Variants in GAS7 observed in about 807,000 individuals in gnomAD.
The protein encoded by GAS7 is growth arrest-specific protein 7.
GAS7 carries 28 observed loss-of-function variants against 71.1 expected under a neutral mutation model. The ratio of observed to expected loss-of-function variants is 0.39; its 90% CI spans 0.29 to 0.54. The LOEUF is 0.54. Among genes scored for constraint, GAS7 ranks in the 20% least tolerant of loss-of-function variants. GAS7 has a pLI of 0.62. For missense variants in GAS7, 436 were observed against 627.8 expected, an observed-to-expected ratio of 0.69 and a Z score of 3.27; for synonymous variants, 258 against 245.8, an observed-to-expected ratio of 1.05 and a Z score of -0.46.
At chr17:9,985,763 G>T (rs532141276) in intron 2 of GAS7, among the ~76,000 whole-genome samples, 50 of 152,278 alleles carry the variant, frequency 3.3e-4, no homozygotes, top group African/African-American at 1.2e-3. Flanking sequence ...GGGATCAACG[G>T]CCCACCAATC....
At chr17:10,064,293 G>A (rs963517091) in intron 1 of GAS7, among the ~76,000 whole-genome samples, 1 of 152,180 alleles carries the variant, frequency 6.6e-6, no homozygotes, top group Non-Finnish European at 1.5e-5. Flanking sequence ...GCATGATCTG[G>A]CATTTCCAAG....
intron 1 of GAS7, among the ~76,000 whole-genome samples, chr17:10,020,882 C>T (rs952807258): frequency 6.6e-6 from 1 of 152,132 alleles, no homozygotes; most frequent in Non-Finnish European, 1.5e-5. Flanking sequence ...CACTGCACTC[C>T]AGCCTGGGTG....
Position 10,094,733 on chromosome 17 carries a change from G to A in GAS7, c.184-74836C>T, listed in dbSNP as rs141436829. On this transcript the variant is annotated intron_variant, in intron 1 of 13. Coordinates refer to ENST00000432992, the MANE Select transcript of GAS7 (RefSeq NM_201433.2). ...TCCGCCCGCCTCGGCCTCCCAAAGT[G>A]CTGGGATTACAGGTGTGAGCCACCG... Among the ~76,000 whole-genome samples, 451 of 152,234 alleles carry A rather than the reference G, an allele frequency of 3.0e-3. 2 individuals carry two copies. The highest frequency in any genetic ancestry group is 0.01 in the African/African-American group (419 of 41,540).
chr17:10,196,081 C>G (rs557448274), intron 1 of GAS7, among the ~76,000 whole-genome samples: 1 of 152,242 alleles, frequency 6.6e-6, no homozygotes, highest in South Asian at 2.1e-4. Context: ...TTCAGCCTCC[C>G]CTTCGCGGTG....
chr17:9,938,325 G>C (rs2068472942), intron 8 of GAS7, among the ~76,000 whole-genome samples: 1 of 151,816 alleles, frequency 6.6e-6, no homozygotes, highest in Non-Finnish European at 1.5e-5. Flanking sequence ...TGACCAACAT[G>C]GTGAAACCCC....
intron 1 of GAS7, among the ~76,000 whole-genome samples, chr17:10,159,737 G>T (rs1336762431): frequency 6.6e-6 from 1 of 151,128 alleles, no homozygotes; most frequent in Non-Finnish European, 1.5e-5. Flanking sequence ...CATTACAAGA[G>T]TGTTCCCAGT....
rs1238650332 is a variant in GAS7 at position 9,940,191 on chromosome 17, A to C, written c.741T>G (p.Ile247Met). The C allele has an allele frequency of 6.2e-7, 1 of 1,612,608 alleles. No homozygotes were observed. The change falls in exon 8 of 14, where the codon ATT becomes ATG. Residue 247 changes from isoleucine to methionine, a missense_variant. Physicochemically the swap from Ile to Met is conservative, Grantham distance 10 (BLOSUM62 1). Coordinates refer to ENST00000432992, the MANE Select transcript of GAS7 (RefSeq NM_201433.2). ...CTAAGTTCTTCGCATAGTCTTCTTC[A>C]ATCTTTATCCTGCAAAGAGAGAAAA... ...MSEFIRERIK[I>M]EEDYAKNLAK...
intron 1 of GAS7, among the ~76,000 whole-genome samples, chr17:10,059,151 G>A (rs2073188257): frequency 6.6e-6 from 1 of 152,318 alleles, no homozygotes; most frequent in Non-Finnish European, 1.5e-5. Flanking sequence ...GGGCAGCTGT[G>A]TGACATCTGG....
intron 1 of GAS7, among the ~76,000 whole-genome samples, chr17:10,021,900 A>G (rs1166802569): frequency 6.6e-6 from 1 of 152,166 alleles, no homozygotes; most frequent in African/African-American, 2.4e-5. Flanking sequence ...TGCACAGGAG[A>G]TGAACATTCT....
intron 1 of GAS7, among the ~76,000 whole-genome samples, chr17:10,128,212 C>G (rs889495709): frequency 6.6e-6 from 1 of 152,220 alleles, no homozygotes; most frequent in African/African-American, 2.4e-5. Context: ...CCACAGTGCT[C>G]CAGGATTCCA....
chr17:10,127,733 G>A (rs1432299929), intron 1 of GAS7, among the ~76,000 whole-genome samples: 1 of 152,212 alleles, frequency 6.6e-6, no homozygotes, highest in Non-Finnish European at 1.5e-5. Context: ...CCCAGTCTCT[G>A]TCCCCCTAAA....
intron 1 of GAS7, among the ~76,000 whole-genome samples, chr17:10,067,157 C>G (rs8072698): frequency 0.48 from 72,374 of 151,658 alleles, 17,752 homozygotes; most frequent in Non-Finnish European, 0.54. Context: ...GATGGGGTGG[C>G]GGGAGTGGAG....
intron 2 of GAS7, among the ~76,000 whole-genome samples, chr17:10,002,599 C>T (rs1463312945): frequency 1.3e-5 from 2 of 152,018 alleles, no homozygotes; most frequent in African/African-American, 2.4e-5. Context: ...TGTGATGTTC[C>T]CCTCCCTGTG....
intron 4 of GAS7, among the ~76,000 whole-genome samples, chr17:9,965,728 G>A (rs1298881777): frequency 1.3e-5 from 2 of 152,170 alleles, no homozygotes; most frequent in African/African-American, 2.4e-5. Flanking sequence ...CTCTGCCCCC[G>A]AATCAGGTGG....
intron 11 of GAS7, among the ~76,000 whole-genome samples, chr17:9,924,958 A>G (rs1567777769): frequency 6.6e-6 from 1 of 152,236 alleles, no homozygotes; most frequent in Non-Finnish European, 1.5e-5. Flanking sequence ...TATTCCCAAG[A>G]GACTGAAATC....
intron 1 of GAS7, among the ~76,000 whole-genome samples, chr17:10,120,747 G>A (rs572798408): frequency 1.2e-3 from 177 of 152,262 alleles, no homozygotes; most frequent in East Asian, 1.4e-3. Flanking sequence ...AAAAAGCACA[G>A]CGAAGATTCT....
intron 13 of GAS7, 128 bp from the exon 14 acceptor site, chr17:9,917,469 A>G (rs932118262): frequency 1.5e-6 from 1 of 668,640 alleles, no homozygotes; most frequent in Admixed American, 2.3e-5. Flanking sequence ...CCGGGGCCCC[A>G]GGGGGAGGCC....
At chr17:10,065,071 C>T (rs2073267107) in intron 1 of GAS7, among the ~76,000 whole-genome samples, 1 of 152,162 alleles carries the variant, frequency 6.6e-6, no homozygotes, top group Non-Finnish European at 1.5e-5. Flanking sequence ...ATTCTTTTGC[C>T]TTGACCTCCC....
chr17:9,994,360 C>G (rs1285923615), intron 2 of GAS7, among the ~76,000 whole-genome samples: 1 of 145,494 alleles, frequency 6.9e-6, no homozygotes, highest in African/African-American at 2.6e-5. Context: ...AGAACAGAGC[C>G]CTCAGAAATA....
Sources: gnomAD v4.1 joint callset for allele counts (sites outside exome capture counted in the v4.1 genomes callset) on GRCh38, gnomAD v4.1.1 for gene constraint, MANE v1.5 for transcripts, NCBI Gene and HGNC (gene_info 2026-07-23, HGNC 2026-07-21) for gene names.